Variants in AOAH observed in about 807,000 individuals in gnomAD.
AOAH encodes acyloxyacyl hydrolase.
AOAH carries 64 observed loss-of-function variants against 92.2 expected under a neutral mutation model. The ratio of observed to expected loss-of-function variants is 0.69; its 90% confidence interval spans 0.57 to 0.86. AOAH has a LOEUF of 0.86. AOAH is among the 40% of genes least tolerant of loss of function. The probability of loss-of-function intolerance (pLI) is 0.00; values close to 1 mark genes in which losing one functional copy is unlikely to be tolerated. For missense variants in AOAH, 656 were observed against 694.6 expected, an observed-to-expected ratio of 0.94 and a Z score of 0.62; for synonymous variants, 263 against 254.5, an observed-to-expected ratio of 1.03 and a Z score of -0.32.
chr7:36,623,052 G>GAA (rs1792397742), intron 7 of AOAH, 138 bp downstream of exon 7: 2 of 813,396 alleles, frequency 2.5e-6, no homozygotes, highest in South Asian at 3.0e-5. Context: ...AAAAAGAAAA[G>GAA]AAATTGTGAA....
At chr7:36,569,232 T>G (rs1353960493) in intron 13 of AOAH, among the ~76,000 whole-genome samples, 1 of 152,132 alleles carries the variant, frequency 6.6e-6, no homozygotes, top group Non-Finnish European at 1.5e-5. Flanking sequence ...AAGGTTTTGC[T>G]AAGCTTGCTA....
At chr7:36,679,816 C>T (rs1796530642) in intron 2 of AOAH, among the ~76,000 whole-genome samples, 1 of 152,092 alleles carries the variant, frequency 6.6e-6, no homozygotes, top group African/African-American at 2.4e-5. Flanking sequence ...TGTTACCACG[C>T]CCAGTTAATT....
At chr7:36,645,529 G>A (rs930634720) in intron 4 of AOAH, among the ~76,000 whole-genome samples, 1 of 152,188 alleles carries the variant, frequency 6.6e-6, no homozygotes, top group Admixed American at 6.5e-5. Flanking sequence ...GAAGACAAAG[G>A]CAAGAAGTTT....
intron 1 of AOAH, among the ~76,000 whole-genome samples, chr7:36,715,935 A>G (rs2117006307): frequency 6.6e-6 from 1 of 152,312 alleles, no homozygotes; most frequent in East Asian, 1.9e-4. Context: ...CATGTCTAAA[A>G]CACCAAAAGC....
chr7:36,517,210 C>CTTTCTTTCTTTCTTTCTTTCTT (rs1346473171), intron 20 of AOAH, among the ~76,000 whole-genome samples: 1 of 66,800 alleles, frequency 1.5e-5, no homozygotes, highest in African/African-American at 4.5e-5. Context: ...TTCTTTCTTT[C>CTTTCTTTCTTTCTTTCTTTCTT]TTTCTCTTTC....
chr7:36,644,314 A>C lies in AOAH; in HGVS notation c.391-6404T>G, dbSNP rs546010056. Among the ~76,000 whole-genome samples the C allele has an allele frequency of 9.9e-5, 15 of 152,272 alleles. No homozygotes were observed. The South Asian group carries it at 3.1e-3, about 32-fold the overall frequency. ...GATTTTTCACTCTGCGCTGGGAGAT[A>C]GATGTTAAACGGTGTGCTTTTTTTT... On this transcript the variant is annotated intron_variant, in intron 4 of 20. Coordinates refer to ENST00000617537, the MANE Select transcript of AOAH (RefSeq NM_001637.4).
At chr7:36,547,568 G>A (rs1245536882) in intron 15 of AOAH, among the ~76,000 whole-genome samples, 1 of 152,122 alleles carries the variant, frequency 6.6e-6, no homozygotes, top group Non-Finnish European at 1.5e-5. Flanking sequence ...CTGTTGCCTC[G>A]GGCAAATCGT....
intron 3 of AOAH, among the ~76,000 whole-genome samples, chr7:36,671,083 C>G (rs188792024): frequency 5.5e-4 from 84 of 152,274 alleles, no homozygotes; most frequent in Admixed American, 1.2e-3. Flanking sequence ...TGATCTGGTT[C>G]CCTGATCTAG....
chr7:36,708,251 T>A (rs1798554900), intron 1 of AOAH, among the ~76,000 whole-genome samples: 1 of 152,154 alleles, frequency 6.6e-6, no homozygotes, highest in Non-Finnish European at 1.5e-5. Context: ...TTTTCTCTAT[T>A]CTTTGGTTGG....
Position 36,594,406 on chromosome 7 carries a change from C to T in AOAH, c.871G>A (p.Ala291Thr). Residue 291 changes from alanine (A) to threonine (T), a missense_variant, in exon 12 of 21, where the codon GCC becomes ACC. Transcript: ENST00000617537. ...GGCCAGTCAAGCTCGTTGGTAAGGG[C>T]TGTTGGTAGATTGATGAAAGAGTTC... ...SLNSFINLPT[A>T]LTNELDWPQL... The T allele has an allele frequency of 6.2e-7, 1 of 1,613,892 alleles. No individual in the cohort carries two copies. Among genetic ancestry groups the T allele is most frequent in the Non-Finnish European group, 8.5e-7 (1 of 1,179,816 alleles).
At chr7:36,543,154 T>C (rs184710909) in intron 15 of AOAH, among the ~76,000 whole-genome samples, 2 of 152,172 alleles carry the variant, frequency 1.3e-5, no homozygotes, top group African/African-American at 2.4e-5. Context: ...TCCATTGTCA[T>C]GAAAAAATTA....
chr7:36,602,617 G>A (rs1173731175), intron 11 of AOAH, among the ~76,000 whole-genome samples: 1 of 151,916 alleles, frequency 6.6e-6, no homozygotes, highest in Non-Finnish European at 1.5e-5. Context: ...ATTCCTCCAA[G>A]GGCCTGAAAT....
chr7:36,578,661 T>C (rs1562587646), intron 12 of AOAH, among the ~76,000 whole-genome samples: 1 of 152,258 alleles, frequency 6.6e-6, no homozygotes, highest in East Asian at 1.9e-4. Context: ...TTTGACATTA[T>C]CTGTTCACTT....
rs966294302 is a variant in AOAH, at chr7:36,576,734, C to T, written c.939-78G>A. 67 of 675,862 alleles carry T rather than the reference C, an allele frequency of 9.9e-5. No homozygotes were observed. The East Asian group carries it at 1.1e-3, about 12-fold the overall frequency. The allele number at this position is 675,862 out of a possible 1,614,324, so 41.9% of individuals were successfully genotyped here. ...GTTTAAACAAACCATGTTTACATCACGCTTTTAAAAAAATATGGTTAAAAT... is the reference window on the plus strand; with the variant it reads ...GTTTAAACAAACCATGTTTACATCATGCTTTTAAAAAAATATGGTTAAAAT... On this transcript the variant is annotated intron_variant, in intron 12 of 20. Transcript: ENST00000617537.
intron 1 of AOAH, among the ~76,000 whole-genome samples, chr7:36,692,456 T>C (rs1584129865): frequency 6.7e-5 from 2 of 29,996 alleles, no homozygotes; most frequent in African/African-American, 1.9e-4. Flanking sequence ...CTTGAAACAT[T>C]TTTTTTTTAT....
intron 1 of AOAH, among the ~76,000 whole-genome samples, chr7:36,687,351 G>A (rs1216775314): frequency 6.6e-6 from 1 of 152,088 alleles, no homozygotes; most frequent in Non-Finnish European, 1.5e-5. Flanking sequence ...CAGCTATAAA[G>A]CATACTACTT....
intron 1 of AOAH, among the ~76,000 whole-genome samples, chr7:36,697,743 T>C (rs1176287594): frequency 1.3e-5 from 2 of 152,164 alleles, no homozygotes; most frequent in African/African-American, 2.4e-5. Flanking sequence ...AGGGTTCTTG[T>C]AGATGTATTA....
chr7:36,653,473 C>A (rs1794702159), intron 4 of AOAH, among the ~76,000 whole-genome samples: 1 of 152,194 alleles, frequency 6.6e-6, no homozygotes, highest in South Asian at 2.1e-4. Flanking sequence ...TCTTGCCAAA[C>A]CCATTTATGT....
In AOAH at chr7:36,614,473, G is replaced by A. The variant is rs924856431; in HGVS notation, c.846+1907C>T. 6.6e-6 allele frequency among the ~76,000 whole-genome samples: 1 copy of A among 152,158 alleles called. No homozygotes were observed. Among genetic ancestry groups the A allele is most frequent in the Non-Finnish European group, 1.5e-5 (1 of 68,036 alleles). ...GTGTTTGTTATGTGAGTGAAGTCCA[G>A]TGGGCCAACTGAGCATGTGTGAGCG... On this transcript the variant is annotated intron_variant, in intron 11 of 20. Transcript: ENST00000617537. This position sits in a 1 kb window ranked among gnomAD's most constrained non-coding sequence, Gnocchi z 4.2.
Sources: allele counts gnomAD v4.1 joint callset (sites outside exome capture counted in the v4.1 genomes callset), GRCh38; gene constraint gnomAD v4.1.1; non-coding constraint Gnocchi (gnomAD v3.1); transcripts MANE v1.5; gene names NCBI Gene and HGNC (gene_info 2026-07-23, HGNC 2026-07-21).